SLC25A28: variants seen among roughly 807,000 people sequenced by gnomAD.
SLC25A28 encodes the protein solute carrier family 25 member 28.
In SLC25A28, 10 loss-of-function variants were observed where a neutral mutation model predicts 31.9. That is an observed-to-expected ratio of 0.31 (90% CI 0.19 to 0.53). SLC25A28 has a LOEUF of 0.53. Among genes scored for constraint, SLC25A28 ranks in the 20% least tolerant of loss-of-function variants. The pLI is 0.95. For missense variants in SLC25A28, 256 were observed against 490.3 expected (o/e 0.52, Z 4.51); for synonymous variants, 208 against 203.6 (o/e 1.02, Z -0.19).
chr10:99,637,904 A>G, the SLC25A28 span, among the ~76,000 whole-genome samples: 9 of 152,228 alleles, frequency 5.9e-5, no homozygotes, highest in African/African-American at 2.2e-4. Flanking sequence ...TGCAATCCCC[A>G]TCAAAATACC....
Position 99,615,337 on chromosome 10 carries a change from C to G in SLC25A28, c.292-1413G>C, listed in dbSNP as rs146285796. 188 of 893,468 alleles carry G rather than the reference C, an allele frequency of 2.1e-4. 3 individuals are homozygous for G. The East Asian group carries it at 0.018, about 86-fold the overall frequency. The allele number at this position is 893,468 out of a possible 1,614,324, so 55.3% of individuals were successfully genotyped here. On this transcript the variant is annotated intron_variant, in intron 1 of 3. Coordinates refer to ENST00000370495, the MANE Select transcript of SLC25A28 (RefSeq NM_031212.4). ...AGCCACTGCACGGCAGCCTGGGCAACAAGAGCAAAACTCCATCTCAAAAAA... is the reference window on the plus strand; with the variant it reads ...AGCCACTGCACGGCAGCCTGGGCAAGAAGAGCAAAACTCCATCTCAAAAAA...
chr10:99,632,826 C>T, the SLC25A28 span, among the ~76,000 whole-genome samples: 1 of 152,180 alleles, frequency 6.6e-6, no homozygotes. Flanking sequence ...AACATCCTTA[C>T]TTTGGGACTA....
chr10:99,620,780 G>A (rs1323619629), upstream of SLC25A28: 1 of 985,356 alleles, frequency 1.0e-6, no homozygotes, highest in East Asian at 1.1e-4. Flanking sequence ...CACCACGTCG[G>A]TCCCCGATTG....
chr10:99,615,674 C>A, intron 1 of SLC25A28: 1 of 985,464 alleles, frequency 1.0e-6, no homozygotes, highest in Non-Finnish European at 1.2e-6. Context: ...ACTCATCTTT[C>A]ACATCACACA....
intron 1 of SLC25A28, chr10:99,618,888 A>G: frequency 1.0e-6 from 1 of 985,462 alleles, no homozygotes; most frequent in Non-Finnish European, 1.2e-6. Flanking sequence ...CCTTTTGAAT[A>G]CATAACACTT....
the SLC25A28 span, among the ~76,000 whole-genome samples, chr10:99,646,260 C>A: frequency 2.0e-5 from 3 of 152,322 alleles, no homozygotes; most frequent in Admixed American, 6.5e-5. Context: ...TCAGCAATGG[C>A]GGACGCCCCT....
the SLC25A28 span, chr10:99,651,940 T>G: frequency 6.6e-6 from 1 of 152,166 alleles, no homozygotes; most frequent in Non-Finnish European, 1.5e-5. Flanking sequence ...TGTGTGAGTG[T>G]GTATCTTGCT....
At chr10:99,638,401 A>G in the SLC25A28 span, among the ~76,000 whole-genome samples, 2 of 152,184 alleles carry the variant, frequency 1.3e-5, no homozygotes, top group Non-Finnish European at 2.9e-5. Flanking sequence ...ATGACAAAGA[A>G]CAGTAAAGCA....
chr10:99,641,979 A>G, the SLC25A28 span, among the ~76,000 whole-genome samples: 173 of 152,196 alleles, frequency 1.1e-3, no homozygotes, highest in African/African-American at 3.0e-3. Flanking sequence ...GCCTTGTAGT[A>G]TAGTTTGAAG....
chr10:99,621,043 G>C, upstream of SLC25A28: 2 of 950,238 alleles, frequency 2.1e-6, no homozygotes, highest in Non-Finnish European at 2.5e-6. Context: ...CTCGTCGCGG[G>C]CGTGAGGCGG....
chr10:99,620,913 C>G, upstream of SLC25A28: 1 of 985,154 alleles, frequency 1.0e-6, no homozygotes, highest in South Asian at 4.7e-5. Context: ...GACAGGCCTT[C>G]AACGTCAAAC....
At position 99,613,651 on chromosome 10, in the gene SLC25A28, A is replaced by G; in HGVS notation, c.520+45T>C. ...GAAAGCACTGACAGCAGCAAAGCCCAAAGAGTTGGGAAAGTGGGGGAACCA... is the reference window on the plus strand; with the variant it reads ...GAAAGCACTGACAGCAGCAAAGCCCGAAGAGTTGGGAAAGTGGGGGAACCA... On this transcript the variant is annotated intron_variant, in intron 2 of 3. Transcript: ENST00000370495. The surrounding 1 kb of genome is among the most constrained non-coding windows in gnomAD (Gnocchi z 4.9). The G allele has an allele frequency of 6.2e-7, 1 of 1,613,826 alleles. No homozygotes were observed. Among genetic ancestry groups the G allele is most frequent in the Non-Finnish European group, 8.5e-7 (1 of 1,179,910 alleles).
chr10:99,631,287 C>T, the SLC25A28 span, among the ~76,000 whole-genome samples: 1 of 152,082 alleles, frequency 6.6e-6, no homozygotes, highest in Non-Finnish European at 1.5e-5. Context: ...AGATTGAGGG[C>T]AGCAACCCTA....
At chr10:99,629,941 A>G in the SLC25A28 span, among the ~76,000 whole-genome samples, 1 of 152,208 alleles carries the variant, frequency 6.6e-6, no homozygotes, top group Admixed American at 6.5e-5. Context: ...TGGGAGGCCA[A>G]GGTGGGTGGA....
At chr10:99,657,665 C>T in the SLC25A28 span, among the ~76,000 whole-genome samples, 1 of 152,106 alleles carries the variant, frequency 6.6e-6, no homozygotes, top group East Asian at 1.9e-4. Context: ...GACCCACAAC[C>T]TCTACAGCAA....
chr10:99,658,559 C>T, the SLC25A28 span, among the ~76,000 whole-genome samples: 3 of 151,994 alleles, frequency 2.0e-5, no homozygotes, highest in Non-Finnish European at 2.9e-5. Context: ...GGGAAGGCGA[C>T]CCTTAAGATG....
chr10:99,614,537 T>G (rs2034602467), intron 1 of SLC25A28, among the ~76,000 whole-genome samples: 1 of 152,190 alleles, frequency 6.6e-6, no homozygotes, highest in South Asian at 2.1e-4. Flanking sequence ...GAAACCAATC[T>G]AGTCTCCAAT....
chr10:99,640,654 G>A, the SLC25A28 span, among the ~76,000 whole-genome samples: 1 of 152,024 alleles, frequency 6.6e-6, no homozygotes, highest in Non-Finnish European at 1.5e-5. Flanking sequence ...CCATGTTGGT[G>A]TGCTGCACCC....
the SLC25A28 span, among the ~76,000 whole-genome samples, chr10:99,630,324 G>A: frequency 6.6e-6 from 1 of 152,004 alleles, no homozygotes; most frequent in Non-Finnish European, 1.5e-5. Flanking sequence ...GGTAGACGCG[G>A]GGTTTCACCA....
Sources: gnomAD v4.1 joint callset for allele counts (sites outside exome capture counted in the v4.1 genomes callset) on GRCh38, gnomAD v4.1.1 for gene constraint, Gnocchi (gnomAD v3.1) non-coding constraint, MANE v1.5 for transcripts, NCBI Gene and HGNC (gene_info 2026-07-23, HGNC 2026-07-21) for gene names.